The following EML5 variants were observed in gnomAD, a reference collection of about 807,000 sequenced individuals.
EML5 encodes the protein EMAP like 5, also known as echinoderm microtubule-associated protein-like 5.
EML5 carries 120 observed loss-of-function variants against 250.0 expected under a neutral mutation model. The ratio of observed to expected loss-of-function variants is 0.48; its 90% CI spans 0.41 to 0.56. The LOEUF is 0.56. EML5 is among the 20% of genes least tolerant of loss of function. The pLI is 0.00. For synonymous variants in EML5, 771 were observed against 806.5 expected (o/e 0.96, Z 0.75); for missense variants, 2,006 against 2,437.6 (o/e 0.82, Z 3.73).
At position 88,620,670 on chromosome 14, in the gene EML5, T is replaced by C. The variant is rs2088731773; in HGVS notation, c.5375+84A>G. On this transcript the variant is annotated intron_variant, in intron 39 of 43. Transcript: ENST00000554922. This position sits in a 1 kb window ranked among gnomAD's most constrained non-coding sequence, Gnocchi z 4.3. ...ATGCTACAGGCCCTGGGGACCTCTTTTTGAAGGCAAGGCTATGGAAAATTT... is the reference window on the plus strand; with the variant it reads ...ATGCTACAGGCCCTGGGGACCTCTTCTTGAAGGCAAGGCTATGGAAAATTT... 8.0e-7 allele frequency: 1 copy of C among 1,255,278 alleles called. No homozygotes were observed. The highest frequency in any genetic ancestry group is 2.1e-5 in the South Asian group (1 of 47,676). 77.8% of individuals were successfully genotyped at this position (1,255,278 alleles called of 1,614,324 possible).
At chr14:88,631,145 T>A (rs1008162807) in intron 33 of EML5, among the ~76,000 whole-genome samples, 3 of 151,016 alleles carry the variant, frequency 2.0e-5, no homozygotes, top group African/African-American at 7.3e-5. Flanking sequence ...GGGCTGAAAT[T>A]ACTTTATCAG....
At chr14:88,638,706 C>A in intron 32 of EML5, 103 bp downstream of exon 32, 1 of 993,366 alleles carries the variant, frequency 1.0e-6, no homozygotes, top group Non-Finnish European at 1.5e-6. Context: ...AGATTTTGAA[C>A]AATCGATAAA....
At chr14:88,718,831 T>C (rs570567415) in intron 8 of EML5, among the ~76,000 whole-genome samples, 1 of 152,290 alleles carries the variant, frequency 6.6e-6, no homozygotes, top group Admixed American at 6.5e-5. Context: ...ATAGGGCTCT[T>C]TGGTGGGGGT....
intron 21 of EML5, among the ~76,000 whole-genome samples, chr14:88,674,098 G>A (rs1030182966): frequency 6.6e-6 from 1 of 152,066 alleles, no homozygotes; most frequent in Non-Finnish European, 1.5e-5. Flanking sequence ...GTGAAACCTT[G>A]TCTCTACTAA....
At chr14:88,723,040 C>T (rs925753781) in intron 8 of EML5, among the ~76,000 whole-genome samples, 9 of 152,286 alleles carry the variant, frequency 5.9e-5, no homozygotes, top group African/African-American at 1.7e-4. Context: ...TTACTCATGT[C>T]ACCCCTTCCC....
intron 2 of EML5, among the ~76,000 whole-genome samples, 160 bp from the exon 3 acceptor site, chr14:88,746,443 C>T (rs949281715): frequency 6.6e-6 from 1 of 152,088 alleles, no homozygotes; most frequent in Non-Finnish European, 1.5e-5. Flanking sequence ...ATGTATTTCA[C>T]CTTGTTAGTG....
Position 88,694,088 on chromosome 14 carries a change from T to C in EML5, c.2539+219A>G, listed in dbSNP as rs572652319. On this transcript the variant is annotated intron_variant, in intron 17 of 43. Transcript: ENST00000554922. ...GTGCCCAGCCAATGTTGACATCTTA[T>C]ATTACCATAGACCATTTGTTGAAAC... Among the ~76,000 whole-genome samples the C allele has an allele frequency of 2.6e-4, 39 of 152,118 alleles. No homozygotes were observed. The South Asian group carries it at 7.9e-3, about 31-fold the overall frequency.
chr14:88,697,080 T>G (rs2093096269), intron 14 of EML5, 128 bp from the exon 15 acceptor site: 1 of 634,240 alleles, frequency 1.6e-6, no homozygotes, highest in Non-Finnish European at 2.4e-6. Flanking sequence ...AAATAAAAAT[T>G]TAAAGCAAAC....
At chr14:88,705,335 T>C in intron 12 of EML5, 147 bp downstream of exon 12, 1 of 690,454 alleles carries the variant, frequency 1.4e-6, no homozygotes, top group Non-Finnish European at 2.5e-6. Flanking sequence ...ACAAGTGTAC[T>C]CTAACACTGA....
At chr14:88,762,022 A>G (rs61983302) in intron 1 of EML5, among the ~76,000 whole-genome samples, 36,089 of 152,006 alleles carry the variant, frequency 0.24, 4,484 homozygotes, top group East Asian at 0.38. Context: ...TCCTTAGCCC[A>G]CTTTTTGATA....
chr14:88,717,529 C>T (rs140156516), intron 8 of EML5, among the ~76,000 whole-genome samples: 21 of 152,146 alleles, frequency 1.4e-4, no homozygotes, highest in Non-Finnish European at 2.6e-4. Flanking sequence ...GAGGCTGAGG[C>T]GGGCAGATCA....
At chr14:88,712,509 TAA>T in intron 9 of EML5, 26 bp from the exon 10 acceptor site, 1 of 1,565,080 alleles carries the variant, frequency 6.4e-7, no homozygotes, top group Non-Finnish European at 8.7e-7. Context: ...AGTCTTAATT[TAA>T]AAAGTTATTT....
At chr14:88,776,273 A>G (rs1274605343) in intron 1 of EML5, among the ~76,000 whole-genome samples, 2 of 152,170 alleles carry the variant, frequency 1.3e-5, no homozygotes, top group African/African-American at 4.8e-5. Flanking sequence ...TAAATAAGCT[A>G]CCAGGGACCA....
chr14:88,724,695 T>A (rs1014827976), intron 8 of EML5, among the ~76,000 whole-genome samples: 2 of 152,218 alleles, frequency 1.3e-5, no homozygotes, highest in Non-Finnish European at 2.9e-5. Context: ...TTCCAATACT[T>A]TCAGTTCTTA....
At chr14:88,684,788 T>C (rs949782628) in intron 20 of EML5, among the ~76,000 whole-genome samples, 3 of 152,094 alleles carry the variant, frequency 2.0e-5, no homozygotes, top group Non-Finnish European at 4.4e-5. Context: ...AATTAAAATT[T>C]TTTCTGTATA....
chr14:88,682,616 C>A (rs956580504), intron 20 of EML5, among the ~76,000 whole-genome samples: 1 of 152,138 alleles, frequency 6.6e-6, no homozygotes, highest in African/African-American at 2.4e-5. Flanking sequence ...TAGGCTCTCT[C>A]TCCCCCCAGC....
intron 20 of EML5, among the ~76,000 whole-genome samples, chr14:88,683,284 T>C (rs960301344): frequency 1.3e-5 from 2 of 152,052 alleles, no homozygotes; most frequent in Admixed American, 1.3e-4. Flanking sequence ...CTGCCTGGAG[T>C]CAGAAACAAA....
chr14:88,696,989 A>C (rs1415944754), intron 14 of EML5, 37 bp from the exon 15 acceptor site: 1 of 1,316,110 alleles, frequency 7.6e-7, no homozygotes, highest in African/African-American at 1.5e-5. Context: ...AATACAATTA[A>C]ATTATTTATT....
intron 6 of EML5, among the ~76,000 whole-genome samples, chr14:88,737,884 TCTTTTC>T (rs1301498453): frequency 6.6e-6 from 1 of 152,200 alleles, no homozygotes; most frequent in Non-Finnish European, 1.5e-5. Context: ...AGAATTGTAT[TCTTTTC>T]CTTTTAATAA....
Sources: allele counts gnomAD v4.1 joint callset (sites outside exome capture counted in the v4.1 genomes callset), GRCh38; gene constraint gnomAD v4.1.1; non-coding constraint Gnocchi (gnomAD v3.1); transcripts MANE v1.5; gene names NCBI Gene and HGNC (gene_info 2026-07-23, HGNC 2026-07-21).